The following LINGO2 variants were observed in gnomAD, a reference collection of about 807,000 sequenced individuals.
LINGO2 encodes leucine rich repeat and Ig domain containing 2.
A neutral mutation model predicts 30.6 loss-of-function variants in LINGO2; 14 were observed. The ratio of observed to expected loss-of-function variants is 0.46; its 90% confidence interval spans 0.30 to 0.72. The LOEUF is 0.72. Among genes scored for constraint, LINGO2 ranks in the 30% least tolerant of loss-of-function variants. The pLI, the probability that LINGO2 is intolerant of heterozygous loss-of-function variation, is 0.07. For synonymous variants in LINGO2, 317 were observed against 288.5 expected, an observed-to-expected ratio of 1.10 and a Z score of -1.00; for missense variants, 729 against 751.7, an observed-to-expected ratio of 0.97 and a Z score of 0.35.
At chr9:28,833,598 C>T in the LINGO2 span, among the ~76,000 whole-genome samples, 1 of 152,108 alleles carries the variant, frequency 6.6e-6, no homozygotes, top group East Asian at 1.9e-4. Flanking sequence ...TCCTTTGCCA[C>T]ATTCAATGGT....
the LINGO2 span, among the ~76,000 whole-genome samples, chr9:29,118,777 G>T: frequency 2.0e-5 from 3 of 152,122 alleles, no homozygotes; most frequent in African/African-American, 7.2e-5. Context: ...ACTGATACAG[G>T]TCCCAACTGT....
intron 1 of LINGO2, chr9:28,598,994 T>G (rs930336750): frequency 6.6e-6 from 1 of 152,242 alleles, no homozygotes; most frequent in African/African-American, 2.4e-5. Flanking sequence ...ATCAACTTGT[T>G]GTCAGATATG....
the LINGO2 span, among the ~76,000 whole-genome samples, chr9:28,727,462 A>AT: frequency 1.8e-4 from 27 of 151,738 alleles, no homozygotes; most frequent in African/African-American, 6.1e-4. Context: ...ATTTTTTTGT[A>AT]TTTTTTTAGT....
chr9:29,125,834 C>T, the LINGO2 span, among the ~76,000 whole-genome samples: 1 of 151,978 alleles, frequency 6.6e-6, no homozygotes, highest in South Asian at 2.1e-4. Context: ...AAACTACTGC[C>T]AAAGCTTATT....
the LINGO2 span, among the ~76,000 whole-genome samples, chr9:28,870,527 T>TA: frequency 6.6e-6 from 1 of 152,044 alleles, no homozygotes; most frequent in Non-Finnish European, 1.5e-5. Flanking sequence ...CTACTGCTAG[T>TA]ATAGTATTTT....
chr9:28,310,759 C>G (rs79363312), intron 3 of LINGO2, among the ~76,000 whole-genome samples: 35,234 of 152,006 alleles, frequency 0.23, 4,607 homozygotes, highest in Non-Finnish European at 0.3. Flanking sequence ...TTTAAATAAA[C>G]AAATGGGATA....
At chr9:28,978,684 A>G in the LINGO2 span, among the ~76,000 whole-genome samples, 1 of 152,044 alleles carries the variant, frequency 6.6e-6, no homozygotes, top group Admixed American at 6.6e-5. Context: ...ACTATGGCCA[A>G]TTTTTCTTTC....
rs773033942 is a variant in LINGO2, at chr9:28,506,505, CATAT to C, written c.-364-30484_-364-30481del. On this transcript the variant is annotated intron_variant, in intron 1 of 5. Transcript: ENST00000379992. Reference sequence around the variant, plus strand: ...ATACACATACACACACACACACAGACATATATATATATATATAAACTGTTGGGGA... The same window carrying C: ...ATACACATACACACACACACACAGACATATATATATATAAACTGTTGGGGA... Among the ~76,000 whole-genome samples the C allele has an allele frequency of 3.6e-5, 3 of 84,410 alleles. 1 individual carries two copies. The highest frequency in any genetic ancestry group is 4.1e-4 in the South Asian group (1 of 2,466). The allele number at this position is 84,410 out of a possible 152,430, so 55.4% of individuals were successfully genotyped here.
chr9:28,803,513 A>AAT, the LINGO2 span, among the ~76,000 whole-genome samples: 4 of 151,700 alleles, frequency 2.6e-5, no homozygotes, highest in Admixed American at 2.6e-4. Flanking sequence ...ATAAATTTTT[A>AAT]ATATATATAT....
At chr9:28,531,179 A>C (rs142603468) in intron 1 of LINGO2, among the ~76,000 whole-genome samples, 212 of 152,042 alleles carry the variant, frequency 1.4e-3, no homozygotes, top group African/African-American at 4.8e-3. Context: ...AACATTTCTT[A>C]TGCTTTCTTC....
At chr9:29,060,835 C>G in the LINGO2 span, among the ~76,000 whole-genome samples, 1 of 151,464 alleles carries the variant, frequency 6.6e-6, no homozygotes, top group East Asian at 1.9e-4. Context: ...TGTAATTACC[C>G]AATCTGAAGA....
the LINGO2 span, among the ~76,000 whole-genome samples, chr9:28,746,370 A>G: frequency 6.6e-6 from 1 of 152,080 alleles, no homozygotes; most frequent in Non-Finnish European, 1.5e-5. Context: ...GCTGGAAGGC[A>G]CCACAGGAAA....
chr9:28,860,071 T>C, the LINGO2 span, among the ~76,000 whole-genome samples: 1 of 152,022 alleles, frequency 6.6e-6, no homozygotes, highest in Non-Finnish European at 1.5e-5. Context: ...AAATAAAACA[T>C]AAATATTTTA....
chr9:28,713,553 TTCTGTG>T, the LINGO2 span, among the ~76,000 whole-genome samples: 1 of 152,126 alleles, frequency 6.6e-6, no homozygotes, highest in Non-Finnish European at 1.5e-5. Flanking sequence ...CAATTGGTAT[TTCTGTG>T]TCTATTTTCT....
At chr9:29,090,429 A>G in the LINGO2 span, among the ~76,000 whole-genome samples, 1 of 151,960 alleles carries the variant, frequency 6.6e-6, no homozygotes, top group Non-Finnish European at 1.5e-5. Flanking sequence ...GTACTTGTCT[A>G]TATCCATGTC....
chr9:28,636,651 T>C (rs1305962652), intron 1 of LINGO2, among the ~76,000 whole-genome samples: 1 of 152,080 alleles, frequency 6.6e-6, no homozygotes, highest in African/African-American at 2.4e-5. Context: ...TCATATCCTT[T>C]GCCCACTTGT....
chr9:28,287,788 G>A (rs1823569738), intron 4 of LINGO2, among the ~76,000 whole-genome samples: 1 of 152,152 alleles, frequency 6.6e-6, no homozygotes, highest in Non-Finnish European at 1.5e-5. Flanking sequence ...GAGAGTTTGT[G>A]TGTGCGTGTG....
At chr9:28,905,928 A>G in the LINGO2 span, among the ~76,000 whole-genome samples, 1 of 152,086 alleles carries the variant, frequency 6.6e-6, no homozygotes, top group Non-Finnish European at 1.5e-5. Flanking sequence ...TAAAGGATGA[A>G]TAAGTAAAGA....
intron 1 of LINGO2, among the ~76,000 whole-genome samples, chr9:28,655,849 A>C (rs1236519064): frequency 2.0e-5 from 3 of 152,088 alleles, no homozygotes; most frequent in Non-Finnish European, 4.4e-5. Context: ...ACTGTGAATC[A>C]ATTAAACTTC....
Sources: allele counts gnomAD v4.1 joint callset (sites outside exome capture counted in the v4.1 genomes callset), GRCh38; gene constraint gnomAD v4.1.1; transcripts MANE v1.5; gene names NCBI Gene and HGNC (gene_info 2026-07-23, HGNC 2026-07-21).